Variants in DPP10 observed in about 807,000 individuals in gnomAD.
The protein encoded by DPP10 is dipeptidyl peptidase like 10.
In DPP10, 33 loss-of-function variants were observed where a neutral mutation model predicts 120.9. The observed-to-expected ratio is 0.27, with a 90% CI of 0.21 to 0.37. The LOEUF is 0.37. DPP10 is among the 10% of genes least tolerant of loss of function. DPP10 has a pLI of 1.00. For missense variants in DPP10, 816 were observed against 942.8 expected (o/e 0.87, Z 1.76); for synonymous variants, 337 against 326.1 (o/e 1.03, Z -0.36).
At chr2:114,648,943 G>A (rs1696356711) in intron 1 of DPP10, among the ~76,000 whole-genome samples, 1 of 152,166 alleles carries the variant, frequency 6.6e-6, no homozygotes, top group Non-Finnish European at 1.5e-5. Context: ...TAATTCCTCT[G>A]TAGACGTGCA....
At chr2:115,162,233 G>A in intron 1 of DPP10, 1 of 1,562,096 alleles carries the variant, frequency 6.4e-7, no homozygotes, top group Non-Finnish European at 8.7e-7. Context: ...CCGGCGAGAG[G>A]ATGCGCAAGG....
chr2:115,508,723 C>T (rs1159475578), intron 4 of DPP10, among the ~76,000 whole-genome samples: 4 of 152,118 alleles, frequency 2.6e-5, no homozygotes, highest in African/African-American at 7.2e-5. Context: ...GCCAACATGG[C>T]GAAACCCCAT....
chr2:115,803,317 A>G (rs1189496239), intron 19 of DPP10, among the ~76,000 whole-genome samples: 2 of 151,994 alleles, frequency 1.3e-5, no homozygotes, highest in Non-Finnish European at 2.9e-5. Context: ...TTTTGAGCCT[A>G]TGTGTGTCTC....
At chr2:115,727,605 G>T (rs1249608010) in intron 7 of DPP10, among the ~76,000 whole-genome samples, 1 of 151,998 alleles carries the variant, frequency 6.6e-6, no homozygotes, top group Non-Finnish European at 1.5e-5. Flanking sequence ...AAGTGCCATG[G>T]AATTTCCAAA....
At chr2:115,268,923 C>T (rs34051598) in intron 1 of DPP10, among the ~76,000 whole-genome samples, 39,221 of 147,230 alleles carry the variant, frequency 0.27, 5,367 homozygotes, top group Admixed American at 0.39. Flanking sequence ...GCCGAGGCGG[C>T]GGATCATGAG....
intron 1 of DPP10, among the ~76,000 whole-genome samples, chr2:115,030,734 A>G (rs1208548630): frequency 6.6e-6 from 1 of 152,090 alleles, no homozygotes; most frequent in Non-Finnish European, 1.5e-5. Context: ...GAGAACATGC[A>G]GTATTTGGTT....
intron 5 of DPP10, among the ~76,000 whole-genome samples, chr2:115,674,894 G>A (rs1242142146): frequency 1.3e-5 from 2 of 152,124 alleles, no homozygotes; most frequent in African/African-American, 4.8e-5. Context: ...TGTCTCTAGA[G>A]TTCCATTCTC....
At chr2:115,788,534 A>C (rs1683586315) in intron 17 of DPP10, among the ~76,000 whole-genome samples, 2 of 152,194 alleles carry the variant, frequency 1.3e-5, no homozygotes, top group African/African-American at 2.4e-5. Flanking sequence ...AGAAAAATGT[A>C]ATGCCATTAA....
chr2:115,441,955 A>G (rs1574856922), intron 3 of DPP10, among the ~76,000 whole-genome samples: 1 of 150,966 alleles, frequency 6.6e-6, no homozygotes, highest in Admixed American at 6.6e-5. Context: ...AGCTGGGCCT[A>G]CGGGCGCACC....
At chr2:114,446,791 T>G (rs1677966727) in intron 1 of DPP10, among the ~76,000 whole-genome samples, 1 of 152,156 alleles carries the variant, frequency 6.6e-6, no homozygotes, top group Non-Finnish European at 1.5e-5. Context: ...TAATAAAGAC[T>G]TTTCCCCCTT....
rs547336534 is a variant in DPP10, at chr2:114,633,738, C to T, written c.60+190900C>T. 6.9e-4 allele frequency among the ~76,000 whole-genome samples: 105 copies of T among 151,770 alleles called. 5 individuals carry two copies. In the South Asian group the frequency reaches 0.019, roughly 27 times the overall value. ...AAGCAATTCTCCTGCCTCAGCCTCC[C>T]GATTAGCTGGATTACAGGTGCACAC... On this transcript the variant is annotated intron_variant, in intron 1 of 25. Coordinates refer to ENST00000410059, the MANE Select transcript of DPP10 (RefSeq NM_020868.6).
chr2:115,707,697 TAATAA>T (rs1161055174), intron 7 of DPP10, among the ~76,000 whole-genome samples: 1 of 151,762 alleles, frequency 6.6e-6, no homozygotes, highest in Non-Finnish European at 1.5e-5. Context: ...GTACATAAAA[TAATAA>T]AATAGTGACT....
At chr2:114,727,068 T>A (rs1437609090) in intron 1 of DPP10, among the ~76,000 whole-genome samples, 2 of 152,204 alleles carry the variant, frequency 1.3e-5, no homozygotes, top group Non-Finnish European at 2.9e-5. Flanking sequence ...ATCCTTTTCA[T>A]GTCCTTAAAA....
intron 5 of DPP10, among the ~76,000 whole-genome samples, chr2:115,600,638 C>T (rs1260454051): frequency 6.6e-6 from 1 of 152,198 alleles, no homozygotes; most frequent in Non-Finnish European, 1.5e-5. Flanking sequence ...GAATAGGCCA[C>T]TTGTAACATT....
intron 19 of DPP10, among the ~76,000 whole-genome samples, chr2:115,803,963 T>A (rs1002534960): frequency 6.6e-6 from 1 of 152,180 alleles, no homozygotes; most frequent in African/African-American, 2.4e-5. Flanking sequence ...ATTTCCTGAA[T>A]CTGAATATTG....
chr2:114,496,305 A>C (rs1009584753), intron 1 of DPP10, among the ~76,000 whole-genome samples: 8 of 152,174 alleles, frequency 5.3e-5, no homozygotes, highest in African/African-American at 1.9e-4. Flanking sequence ...GAGAAGGGAC[A>C]CTACAGAATT....
At chr2:114,693,906 T>A (rs1699915655) in intron 1 of DPP10, among the ~76,000 whole-genome samples, 1 of 151,974 alleles carries the variant, frequency 6.6e-6, no homozygotes, top group Non-Finnish European at 1.5e-5. Context: ...TTTAAAGGGA[T>A]GTACCACACT....
At position 114,679,169 on chromosome 2, in the gene DPP10, G is replaced by A. The variant is rs1573950846; in HGVS notation, c.60+236331G>A. 1.4e-4 allele frequency among the ~76,000 whole-genome samples: 22 copies of A among 152,082 alleles called. No homozygotes were observed. The South Asian group carries it at 4.6e-3, about 32-fold the overall frequency. On this transcript the variant is annotated intron_variant, in intron 1 of 25. Coordinates refer to ENST00000410059, the MANE Select transcript of DPP10 (RefSeq NM_020868.6). The stretch of plus-strand genomic sequence containing the variant: ...AGTTGTTTGAGAGGATTTTACTAGT[G>A]AACACCTCAAACAAGATTTCAAAAT...
intron 1 of DPP10, among the ~76,000 whole-genome samples, chr2:114,582,687 C>T (rs1225248392): frequency 3.3e-5 from 5 of 152,088 alleles, no homozygotes; most frequent in Non-Finnish European, 2.9e-5. Flanking sequence ...TCGTTGATGA[C>T]GTATGATGTA....
Sources: gnomAD v4.1 joint callset for allele counts (sites outside exome capture counted in the v4.1 genomes callset) on GRCh38, gnomAD v4.1.1 for gene constraint, MANE v1.5 for transcripts, NCBI Gene and HGNC (gene_info 2026-07-23, HGNC 2026-07-21) for gene names.